EFHB: variants seen among roughly 807,000 people sequenced by gnomAD.
The protein encoded by EFHB is EF-hand domain-containing family member B.
A neutral mutation model predicts 87.2 loss-of-function variants in EFHB; 91 were observed. The observed-to-expected ratio is 1.04, with a 90% CI of 0.88 to 1.24. EFHB has a LOEUF of 1.24. EFHB is among the 50% of genes most tolerant of loss of function. The probability of loss-of-function intolerance (pLI) is 0.00; values close to 1 mark genes in which losing one functional copy is unlikely to be tolerated. For synonymous variants in EFHB, 325 were observed against 333.6 expected (o/e 0.97, Z 0.28); for missense variants, 1,084 against 998.8 (o/e 1.09, Z -1.15).
intron 1 of EFHB, among the ~76,000 whole-genome samples, chr3:19,923,199 G>A (rs1421902263): frequency 8.6e-5 from 13 of 151,928 alleles, no homozygotes; most frequent in African/African-American, 2.7e-4. Context: ...CCCAGGAGGC[G>A]GAGGTTGCAG....
intron 6 of EFHB, among the ~76,000 whole-genome samples, chr3:19,903,656 A>C (rs1694745697): frequency 6.6e-6 from 1 of 152,164 alleles, no homozygotes; most frequent in South Asian, 2.1e-4. Flanking sequence ...GATACTGTAA[A>C]AATTTATTTT....
chr3:19,889,007 G>A (rs958618988), intron 9 of EFHB, among the ~76,000 whole-genome samples: 5 of 152,224 alleles, frequency 3.3e-5, no homozygotes, highest in African/African-American at 4.8e-5. Context: ...ACAAGTTCAC[G>A]GAGGTGGGTT....
chr3:19,920,017 T>G, intron 2 of EFHB, 41 bp from the exon 3 acceptor site: 1 of 1,606,672 alleles, frequency 6.2e-7, no homozygotes, highest in Non-Finnish European at 8.5e-7. Context: ...AAGTACAGTT[T>G]CTAAAAATAT....
chr3:19,937,682 CTT>C (rs1479193244), upstream of EFHB, among the ~76,000 whole-genome samples: 2 of 152,096 alleles, frequency 1.3e-5, no homozygotes, highest in Non-Finnish European at 2.9e-5. Flanking sequence ...GGTAAATACT[CTT>C]CTCTCTTTTC....
intron 5 of EFHB, among the ~76,000 whole-genome samples, chr3:19,905,985 A>G (rs1694830760): frequency 2.0e-5 from 3 of 152,168 alleles, no homozygotes; most frequent in South Asian, 4.1e-4. Flanking sequence ...TTGAAAAGAC[A>G]TATGTAAAAA....
intron 5 of EFHB, among the ~76,000 whole-genome samples, chr3:19,909,687 G>A (rs1031491986): frequency 6.6e-6 from 1 of 152,112 alleles, no homozygotes; most frequent in Admixed American, 6.5e-5. Context: ...CCTTCCTTCC[G>A]CTTGAGGAGA....
chr3:19,898,113 T>C (rs886515854), intron 8 of EFHB, among the ~76,000 whole-genome samples: 17 of 152,212 alleles, frequency 1.1e-4, no homozygotes, highest in African/African-American at 3.1e-4. Context: ...AGCTGTAGCA[T>C]ATTTTTCCCT....
At position 19,884,448 on chromosome 3, in the gene EFHB, T is replaced by G; in HGVS notation, c.2101A>C (p.Thr701Pro). ...ACAATTGCATTGATCTCAGAAGAAG[T>G]TGTCTTATAGTAGTTGGAAACTTTA... ...SDKVSNYYKT[T>P]SSEINAIVGA... The change falls in exon 11 of 13, where the codon ACT (threonine) becomes CCT (proline). Residue 701 changes from threonine to proline, a missense_variant. Coordinates refer to ENST00000295824, the MANE Select transcript of EFHB (RefSeq NM_144715.4). The G allele has an allele frequency of 6.2e-7, 1 of 1,613,832 alleles. No individual in the cohort carries two copies. Among genetic ancestry groups the G allele is most frequent in the African/African-American group, 1.3e-5 (1 of 75,006 alleles).
At chr3:19,896,901 CT>C (rs2125128874) in intron 8 of EFHB, 60 bp from the exon 9 acceptor site, 1 of 1,438,038 alleles carries the variant, frequency 7.0e-7, no homozygotes, top group Non-Finnish European at 9.2e-7. Context: ...TTATTTCTAT[CT>C]TTTAAAAAAA....
intron 10 of EFHB, among the ~76,000 whole-genome samples, chr3:19,886,343 A>G (rs922659002): frequency 8.5e-5 from 13 of 152,390 alleles, no homozygotes; most frequent in Middle Eastern, 6.8e-3. Context: ...CCCAAGAATA[A>G]AAGTGAAAAT....
Position 19,899,504 on chromosome 3 carries a change from G to C in EFHB, c.1430C>G (p.Ala477Gly), listed in dbSNP as rs758321813. 2.5e-6 allele frequency: 4 copies of C among 1,599,470 alleles called. No homozygotes were observed. In the Admixed American group the frequency reaches 6.9e-5, roughly 28 times the overall value. The stretch of plus-strand genomic sequence containing the variant: ...ATCTGCTCTTTTGGATACAAACTTA[G>C]CTCCTCTTTTCCTGCAAAATTAGAA... ...WLHELQMKRG[A>G]KFVSKRADDF... is the part of the protein sequence containing the mutation. The change falls in exon 7 of 13, where the codon GCT becomes GGT. Residue 477 changes from alanine (A) to glycine (G), a missense_variant. Physicochemically the swap from Ala to Gly is moderately conservative, Grantham distance 60 (BLOSUM62 0). Coordinates refer to ENST00000295824, the MANE Select transcript of EFHB (RefSeq NM_144715.4).
intron 11 of EFHB, among the ~76,000 whole-genome samples, chr3:19,883,879 A>G (rs1216140999): frequency 2.0e-5 from 3 of 152,156 alleles, no homozygotes; most frequent in Admixed American, 6.5e-5. Context: ...CTCCTTTACA[A>G]TCCACCAGAG....
At chr3:19,927,091 C>T (rs6770750) in intron 1 of EFHB, among the ~76,000 whole-genome samples, 96,796 of 152,074 alleles carry the variant, frequency 0.64, 31,250 homozygotes, top group African/African-American at 0.69. Context: ...TTGTAAACTT[C>T]CCCTTGAAGC....
chr3:19,927,910 A>C (rs1048009357), intron 1 of EFHB, among the ~76,000 whole-genome samples: 1 of 150,026 alleles, frequency 6.7e-6, no homozygotes, highest in Non-Finnish European at 1.5e-5. Flanking sequence ...TACTATAAAT[A>C]CTGTAGTATA....
intron 3 of EFHB, 42 bp from the exon 4 acceptor site, chr3:19,918,454 G>A: frequency 2.7e-6 from 4 of 1,505,414 alleles, no homozygotes; most frequent in Non-Finnish European, 3.6e-6. Flanking sequence ...AACAAAAAAA[G>A]TATAAATCTG....
chr3:19,904,686 G>A (rs371409080), intron 6 of EFHB, among the ~76,000 whole-genome samples: 5 of 152,132 alleles, frequency 3.3e-5, no homozygotes, highest in African/African-American at 1.2e-4. Flanking sequence ...TTTAACATCC[G>A]CTCAGATAAT....
intron 5 of EFHB, among the ~76,000 whole-genome samples, chr3:19,913,776 T>C (rs925161114): frequency 6.6e-6 from 1 of 152,194 alleles, no homozygotes; most frequent in African/African-American, 2.4e-5. Context: ...ATTACTTGAC[T>C]TCAAATTATA....
chr3:19,893,068 A>G (rs1348640648), intron 9 of EFHB, among the ~76,000 whole-genome samples: 11 of 151,658 alleles, frequency 7.3e-5, no homozygotes. Flanking sequence ...CTCCTGCCTC[A>G]GCTTCCCGAG....
chr3:19,887,582 C>G (rs374906449), intron 10 of EFHB, among the ~76,000 whole-genome samples: 1 of 151,952 alleles, frequency 6.6e-6, no homozygotes, highest in Admixed American at 6.6e-5. Flanking sequence ...TTCCCTGGAC[C>G]TCACTGGAAG....
Sources: allele counts gnomAD v4.1 joint callset (sites outside exome capture counted in the v4.1 genomes callset), GRCh38; gene constraint gnomAD v4.1.1; transcripts MANE v1.5; gene names NCBI Gene and HGNC (gene_info 2026-07-23, HGNC 2026-07-21).